The following THRB variants were observed in gnomAD, a reference collection of about 807,000 sequenced individuals.
THRB encodes thyroid hormone receptor beta.
THRB carries 12 observed loss-of-function variants against 47.8 expected under a neutral mutation model. The ratio of observed to expected loss-of-function variants is 0.25; its 90% CI spans 0.16 to 0.41. The LOEUF (loss-of-function observed/expected upper bound fraction) is 0.41. THRB is among the 10% of genes least tolerant of loss of function. The pLI is 1.00. For missense variants in THRB, 348 were observed against 589.2 expected, an observed-to-expected ratio of 0.59 and a Z score of 4.24; for synonymous variants, 218 against 212.2, an observed-to-expected ratio of 1.03 and a Z score of -0.24.
intron 5 of THRB, among the ~76,000 whole-genome samples, chr3:24,189,561 A>T (rs1030206731): frequency 6.6e-6 from 1 of 152,152 alleles, no homozygotes; most frequent in East Asian, 1.9e-4. Context: ...TAACACCATA[A>T]TCTCTCCTTT....
At chr3:24,287,045 C>A (rs543155364) in intron 3 of THRB, among the ~76,000 whole-genome samples, 6 of 152,292 alleles carry the variant, frequency 3.9e-5, no homozygotes, top group Admixed American at 1.3e-4. Flanking sequence ...ACTCAAGCAA[C>A]CTTTTGAAGG....
chr3:24,382,278 T>G (rs1057199410), intron 1 of THRB, among the ~76,000 whole-genome samples: 7 of 152,114 alleles, frequency 4.6e-5, no homozygotes, highest in Non-Finnish European at 1.0e-4. Flanking sequence ...AAAATAAAGT[T>G]GGTAAATTTT....
chr3:24,462,263 G>C (rs2362186), intron 1 of THRB, among the ~76,000 whole-genome samples: 66,359 of 152,010 alleles, frequency 0.44, 15,047 homozygotes, highest in African/African-American at 0.56. Context: ...TAAGGGATAG[G>C]CTTGGACAAG....
chr3:24,288,497 A>AT (rs1433173908), intron 3 of THRB, among the ~76,000 whole-genome samples: 1 of 151,798 alleles, frequency 6.6e-6, no homozygotes, highest in African/African-American at 2.4e-5. Flanking sequence ...ACCCCTTGTT[A>AT]TTTTTTGGCT....
At position 24,416,958 on chromosome 3, in the gene THRB, A is replaced by T. The variant is rs549207623; in HGVS notation, c.-261+77694T>A. Among the ~76,000 whole-genome samples, 142 of 152,060 alleles carry T rather than the reference A, an allele frequency of 9.3e-4. 3 individuals are homozygous for T. Among genetic ancestry groups the T allele is most frequent in the Middle Eastern group, 6.8e-3 (2 of 292 alleles). On this transcript the variant is annotated intron_variant, in intron 1 of 10. Coordinates refer to ENST00000646209, the MANE Select transcript of THRB (RefSeq NM_001354712.2). ...GAACATGGACTCAATTTGTCCAATA[A>T]TTCTCTTTATATAAGAAAGCAGATA...
intron 6 of THRB, among the ~76,000 whole-genome samples, chr3:24,150,328 G>A (rs2036721152): frequency 6.6e-6 from 1 of 152,110 alleles, no homozygotes; most frequent in Admixed American, 6.5e-5. Flanking sequence ...TAAAAACCGT[G>A]TTTCACTTGA....
intron 1 of THRB, among the ~76,000 whole-genome samples, chr3:24,484,856 C>T (rs1202417451): frequency 6.6e-6 from 1 of 152,158 alleles, no homozygotes; most frequent in African/African-American, 2.4e-5. Context: ...TCTAATATAC[C>T]TACAAGTATC....
At chr3:24,492,834 T>A (rs553593301) in intron 1 of THRB, among the ~76,000 whole-genome samples, 299 of 152,358 alleles carry the variant, frequency 2.0e-3, no homozygotes, top group Middle Eastern at 0.01. Context: ...AAAGTATACC[T>A]TTGCATTGTA....
chr3:24,324,793 G>C (rs1287921238), intron 2 of THRB, among the ~76,000 whole-genome samples: 1 of 152,068 alleles, frequency 6.6e-6, no homozygotes, highest in Non-Finnish European at 1.5e-5. Flanking sequence ...TTGCTAAATG[G>C]GATATGCTCA....
At chr3:24,257,636 A>C (rs1271383598) in intron 3 of THRB, among the ~76,000 whole-genome samples, 1 of 152,244 alleles carries the variant, frequency 6.6e-6, no homozygotes, top group Non-Finnish European at 1.5e-5. Context: ...CAACCATGCC[A>C]TGCAGTGTGA....
intron 1 of THRB, among the ~76,000 whole-genome samples, chr3:24,357,364 A>AAAC (rs2063750122): frequency 6.8e-6 from 1 of 147,250 alleles, no homozygotes; most frequent in Non-Finnish European, 1.5e-5. Context: ...AAAAAAAAAA[A>AAAC]AAAAAAAAAA....
intron 1 of THRB, among the ~76,000 whole-genome samples, chr3:24,384,269 A>G (rs4266131): frequency 0.97 from 147,977 of 152,200 alleles, 72,070 homozygotes; most frequent in Non-Finnish European, 1. Flanking sequence ...AAGGAAAACT[A>G]GGCCTTTTGG....
intron 9 of THRB, among the ~76,000 whole-genome samples, chr3:24,129,875 C>G (rs192039875): frequency 6.6e-6 from 1 of 152,282 alleles, no homozygotes; most frequent in East Asian, 1.9e-4. Flanking sequence ...CTTGTGAAGC[C>G]CCTGGTGTCA....
chr3:24,276,852 G>C (rs1352481449), intron 3 of THRB, among the ~76,000 whole-genome samples: 1 of 152,332 alleles, frequency 6.6e-6, no homozygotes, highest in East Asian at 1.9e-4. Context: ...TTGGAGCAAA[G>C]TGTTGAAGAA....
chr3:24,284,070 G>GA (rs1183666611), intron 3 of THRB, among the ~76,000 whole-genome samples: 1 of 140,416 alleles, frequency 7.1e-6, no homozygotes, highest in Admixed American at 7.1e-5. Flanking sequence ...CACAGAATTG[G>GA]AAAAAACTAC....
intron 1 of THRB, among the ~76,000 whole-genome samples, chr3:24,340,257 AG>A (rs2062540714): frequency 6.6e-6 from 1 of 152,220 alleles, no homozygotes; most frequent in Admixed American, 6.5e-5. Context: ...AAGCATTTAA[AG>A]GGTTAAATTT....
chr3:24,443,375 T>C (rs2071742496), intron 1 of THRB, among the ~76,000 whole-genome samples: 1 of 151,956 alleles, frequency 6.6e-6, no homozygotes, highest in African/African-American at 2.4e-5. Context: ...ATAATCCCGA[T>C]ACAGAGAATT....
chr3:24,266,238 A>T (rs1009248104), intron 3 of THRB, among the ~76,000 whole-genome samples: 14 of 152,294 alleles, frequency 9.2e-5, no homozygotes, highest in Non-Finnish European at 1.5e-4. Context: ...ACAAGTCAAA[A>T]CAAAGTGTTG....
chr3:24,269,295 A>T (rs1408864531), intron 3 of THRB, among the ~76,000 whole-genome samples: 20 of 95,176 alleles, frequency 2.1e-4, no homozygotes, highest in African/African-American at 7.8e-4. Flanking sequence ...ACACACACAC[A>T]CACACACACA....
Sources: gnomAD v4.1 joint callset for allele counts (sites outside exome capture counted in the v4.1 genomes callset) on GRCh38, gnomAD v4.1.1 for gene constraint, MANE v1.5 for transcripts, NCBI Gene and HGNC (gene_info 2026-07-23, HGNC 2026-07-21) for gene names.